Variants in CRYL1 observed in about 807,000 individuals in gnomAD.
CRYL1 encodes the protein lambda-crystallin homolog.
A neutral mutation model predicts 36.6 loss-of-function variants in CRYL1; 29 were observed. That is an observed-to-expected ratio of 0.79 (90% CI 0.59 to 1.08). The LOEUF (loss-of-function observed/expected upper bound fraction) is 1.08, where lower values mean the gene tolerates loss of function less well. CRYL1 is among the 50% of genes least tolerant of loss of function. CRYL1 has a pLI of 0.00. For missense variants in CRYL1, 411 were observed against 407.9 expected, an observed-to-expected ratio of 1.01 and a Z score of -0.06; for synonymous variants, 152 against 151.5, an observed-to-expected ratio of 1.00 and a Z score of -0.02.
chr13:20,422,768 A>G (rs1443974229), intron 5 of CRYL1, among the ~76,000 whole-genome samples: 1 of 152,148 alleles, frequency 6.6e-6, no homozygotes, highest in African/African-American at 2.4e-5. Context: ...ATCCTAACCC[A>G]TCTCGAGTGG....
intron 1 of CRYL1, among the ~76,000 whole-genome samples, chr13:20,518,736 T>G (rs928071370): frequency 2.0e-5 from 3 of 152,030 alleles, no homozygotes; most frequent in African/African-American, 4.8e-5. Context: ...CCCGATGCGA[T>G]GGGAGGCGGG....
intron 2 of CRYL1, among the ~76,000 whole-genome samples, chr13:20,505,094 G>A (rs61955504): frequency 1.1e-4 from 16 of 151,980 alleles, no homozygotes; most frequent in East Asian, 9.7e-4. Context: ...AGTGGCTCAC[G>A]CCTGTAATCC....
At chr13:20,430,876 A>C (rs1465315823) in intron 5 of CRYL1, 1 of 985,034 alleles carries the variant, frequency 1.0e-6, no homozygotes, top group Non-Finnish European at 1.2e-6. Flanking sequence ...AGGTTCTGAT[A>C]GATCCGTGTT....
At chr13:20,476,655 C>T (rs1342959080) in intron 3 of CRYL1, among the ~76,000 whole-genome samples, 2 of 152,208 alleles carry the variant, frequency 1.3e-5, no homozygotes, top group Non-Finnish European at 2.9e-5. Context: ...GGGCCAGCAC[C>T]GAGTTCTGCA....
intron 3 of CRYL1, among the ~76,000 whole-genome samples, chr13:20,447,975 C>T (rs1241271336): frequency 2.0e-5 from 3 of 152,144 alleles, no homozygotes; most frequent in African/African-American, 4.8e-5. Flanking sequence ...AACACACACC[C>T]GAGAAAGTGA....
intron 1 of CRYL1, among the ~76,000 whole-genome samples, chr13:20,516,759 C>T (rs1194888113): frequency 1.3e-5 from 2 of 152,150 alleles, no homozygotes; most frequent in Non-Finnish European, 2.9e-5. Context: ...GGATTACAGG[C>T]GTCAGCCACC....
At chr13:20,436,926 G>GTC (rs10622942) in intron 4 of CRYL1, among the ~76,000 whole-genome samples, 22 of 151,638 alleles carry the variant, frequency 1.5e-4, no homozygotes, top group Admixed American at 1.4e-3. Context: ...CTCGGAAACT[G>GTC]GTTCCTCAGA....
At chr13:20,506,145 T>A (rs942082629) in intron 2 of CRYL1, among the ~76,000 whole-genome samples, 64 of 152,196 alleles carry the variant, frequency 4.2e-4, no homozygotes, top group African/African-American at 1.5e-3. Context: ...ACAACATAAC[T>A]GGATTTTCCT....
At position 20,517,726 on chromosome 13, in the gene CRYL1, G is replaced by A. The variant is rs2034026712; in HGVS notation, c.42-5176C>T. ...CCGAGGCGGGTGGATCACGAGGGCA[G>A]GAGATCGAGACCAACCTGGCTAACA... On this transcript the variant is annotated intron_variant, in intron 1 of 7. Transcript: ENST00000298248. Among the ~76,000 whole-genome samples the A allele has an allele frequency of 2.0e-5, 3 of 152,114 alleles. No homozygotes were observed. In the South Asian group the frequency reaches 6.2e-4, roughly 32 times the overall value.
chr13:20,457,321 T>C (rs1394155721), intron 3 of CRYL1, among the ~76,000 whole-genome samples: 1 of 152,214 alleles, frequency 6.6e-6, no homozygotes, highest in Non-Finnish European at 1.5e-5. Context: ...AAATTTGCCC[T>C]GTTCCAATTA....
At chr13:20,430,479 A>G (rs9315569) in intron 5 of CRYL1, 452,890 of 984,904 alleles carry the variant, frequency 0.46, 106,322 homozygotes, top group East Asian at 0.55. Flanking sequence ...GCCATGACCC[A>G]TGAAGAGGGA....
intron 1 of CRYL1, among the ~76,000 whole-genome samples, chr13:20,518,579 G>C (rs1376705781): frequency 6.6e-6 from 1 of 152,138 alleles, no homozygotes; most frequent in Non-Finnish European, 1.5e-5. Flanking sequence ...TTTACTGAGT[G>C]AGATAGTTGG....
At chr13:20,472,206 T>A (rs1279012505) in intron 3 of CRYL1, among the ~76,000 whole-genome samples, 1 of 152,128 alleles carries the variant, frequency 6.6e-6, no homozygotes, top group Non-Finnish European at 1.5e-5. Flanking sequence ...TCATATCACC[T>A]GTGCACATCC....
In CRYL1 at chr13:20,435,548, T is replaced by G. The variant is rs1045706011; in HGVS notation, c.439-3252A>C. ...TCTTGTCAATAAGGTCGGGTGCCCC[T>G]TGAATTTACCACAGTAGAGGGGAGG... On this transcript the variant is annotated intron_variant, in intron 4 of 7. Coordinates refer to ENST00000298248, the MANE Select transcript of CRYL1 (RefSeq NM_015974.3). The surrounding 1 kb of genome is among the most constrained non-coding windows in gnomAD (Gnocchi z 4.0). 2.0e-5 allele frequency among the ~76,000 whole-genome samples: 3 copies of G among 152,112 alleles called. No homozygotes were observed. Among genetic ancestry groups the G allele is most frequent in the African/African-American group, 7.2e-5 (3 of 41,440 alleles).
At chr13:20,480,064 C>T (rs1345159051) in intron 3 of CRYL1, among the ~76,000 whole-genome samples, 1 of 152,178 alleles carries the variant, frequency 6.6e-6, no homozygotes, top group Non-Finnish European at 1.5e-5. Context: ...GACTTAAAGA[C>T]ATTATGAAGA....
At chr13:20,509,404 C>G (rs541198313) in intron 2 of CRYL1, among the ~76,000 whole-genome samples, 3 of 151,980 alleles carry the variant, frequency 2.0e-5, no homozygotes, top group Non-Finnish European at 4.4e-5. Flanking sequence ...CTATGATGGA[C>G]CAGAATCCCT....
At chr13:20,498,633 A>G (rs1354119050) in intron 2 of CRYL1, among the ~76,000 whole-genome samples, 1 of 152,236 alleles carries the variant, frequency 6.6e-6, no homozygotes, top group East Asian at 1.9e-4. Flanking sequence ...ATAATATACC[A>G]TACAAAGGTA....
chr13:20,408,315 A>G (rs979138831), intron 6 of CRYL1, among the ~76,000 whole-genome samples: 22 of 152,272 alleles, frequency 1.4e-4, no homozygotes, highest in Admixed American at 1.0e-3. Context: ...GCCACCAGGC[A>G]TCTCAGTTTT....
intron 3 of CRYL1, among the ~76,000 whole-genome samples, chr13:20,444,993 C>T (rs967190943): frequency 1.3e-5 from 2 of 152,220 alleles, no homozygotes; most frequent in African/African-American, 4.8e-5. Flanking sequence ...GCCAGAATTA[C>T]AGGAGTGAGC....
Sources: gnomAD v4.1 joint callset for allele counts (sites outside exome capture counted in the v4.1 genomes callset) on GRCh38, gnomAD v4.1.1 for gene constraint, Gnocchi (gnomAD v3.1) non-coding constraint, MANE v1.5 for transcripts, NCBI Gene and HGNC (gene_info 2026-07-23, HGNC 2026-07-21) for gene names.